The following SCHIP1 variants were observed in gnomAD, a reference collection of about 807,000 sequenced individuals.
SCHIP1 encodes schwannomin-interacting protein 1.
Under a neutral mutation model 29.7 loss-of-function variants are expected in SCHIP1, and 8 were observed. The observed-to-expected ratio is 0.27, with a 90% CI of 0.16 to 0.49. The LOEUF is 0.49. Among genes scored for constraint, SCHIP1 ranks in the 20% least tolerant of loss-of-function variants. The probability of loss-of-function intolerance (pLI) is 0.99; values close to 1 mark genes in which losing one functional copy is unlikely to be tolerated. For missense variants in SCHIP1, 193 were observed against 294.6 expected (o/e 0.66, Z 2.52); for synonymous variants, 76 against 94.9 (o/e 0.80, Z 1.16).
intron 1 of SCHIP1, among the ~76,000 whole-genome samples, chr3:159,848,695 A>C (rs9846673): frequency 0.06 from 9,102 of 151,880 alleles, 861 homozygotes; most frequent in African/African-American, 0.2. Flanking sequence ...TTTCTGATTC[A>C]GTGGTTCTGG....
At chr3:159,637,255 C>T in the SCHIP1 span, among the ~76,000 whole-genome samples, 3 of 152,086 alleles carry the variant, frequency 2.0e-5, no homozygotes, top group Non-Finnish European at 4.4e-5. Context: ...AAAATGTAGA[C>T]ATAAAAAACA....
chr3:159,513,865 T>G, the SCHIP1 span, among the ~76,000 whole-genome samples: 1 of 152,168 alleles, frequency 6.6e-6, no homozygotes, highest in Admixed American at 6.5e-5. Context: ...AGGCACTAAT[T>G]GTAACTGTCC....
At chr3:159,633,784 A>T in the SCHIP1 span, among the ~76,000 whole-genome samples, 2 of 152,356 alleles carry the variant, frequency 1.3e-5, no homozygotes, top group African/African-American at 4.8e-5. Context: ...ACAAGAAAAT[A>T]AACCAAAAAA....
chr3:159,276,449 A>C, the SCHIP1 span, among the ~76,000 whole-genome samples: 15 of 152,178 alleles, frequency 9.9e-5, no homozygotes, highest in Non-Finnish European at 2.1e-4. Context: ...GAGGTACCCT[A>C]GCATCCCAGA....
the SCHIP1 span, among the ~76,000 whole-genome samples, chr3:159,692,512 A>G: frequency 1.3e-5 from 2 of 152,140 alleles, no homozygotes; most frequent in South Asian, 2.1e-4. Flanking sequence ...TGCTCAATCA[A>G]TTCGGCTATT....
At chr3:159,495,586 C>T in the SCHIP1 span, among the ~76,000 whole-genome samples, 1 of 152,074 alleles carries the variant, frequency 6.6e-6, no homozygotes, top group African/African-American at 2.4e-5. Flanking sequence ...AACTACAAAC[C>T]ACTGCTCAAT....
chr3:159,274,614 G>T, the SCHIP1 span: 1 of 829,980 alleles, frequency 1.2e-6, no homozygotes, highest in Non-Finnish European at 1.5e-6. Context: ...TATCAAATTT[G>T]TAGTTCTATG....
chr3:159,535,553 T>C, the SCHIP1 span, among the ~76,000 whole-genome samples: 1 of 152,190 alleles, frequency 6.6e-6, no homozygotes, highest in Admixed American at 6.5e-5. Context: ...CCCTGCTTAG[T>C]TCCTGCCTTG....
chr3:159,542,827 C>T, the SCHIP1 span, among the ~76,000 whole-genome samples: 1 of 152,010 alleles, frequency 6.6e-6, no homozygotes, highest in African/African-American at 2.4e-5. Flanking sequence ...TCTGTTGGGC[C>T]TTTCGGAACT....
At chr3:159,855,530 T>C (rs1007633240) in intron 1 of SCHIP1, among the ~76,000 whole-genome samples, 1 of 152,200 alleles carries the variant, frequency 6.6e-6, no homozygotes, top group African/African-American at 2.4e-5. Flanking sequence ...AGTCCATGCC[T>C]GTAATATACA....
At chr3:159,865,829 G>A (rs1426588903) in intron 1 of SCHIP1, among the ~76,000 whole-genome samples, 5 of 152,222 alleles carry the variant, frequency 3.3e-5, no homozygotes. Context: ...TCAGGAGAAA[G>A]TACTTGCCCT....
the SCHIP1 span, among the ~76,000 whole-genome samples, chr3:159,734,687 A>T: frequency 6.6e-6 from 1 of 151,970 alleles, no homozygotes; most frequent in Admixed American, 6.6e-5. Flanking sequence ...TCTAAACTTT[A>T]GCTTTCTTAT....
the SCHIP1 span, among the ~76,000 whole-genome samples, chr3:159,381,244 AC>A: frequency 1.3e-5 from 2 of 152,152 alleles, no homozygotes; most frequent in Non-Finnish European, 2.9e-5. Context: ...CTGAGAATAA[AC>A]TTTTGAACTT....
chr3:159,640,985 C>A, the SCHIP1 span, among the ~76,000 whole-genome samples: 9 of 152,240 alleles, frequency 5.9e-5, no homozygotes, highest in South Asian at 2.1e-4. Context: ...AATCAAATGA[C>A]CTTCGTTGGA....
chr3:159,847,448 C>T (rs1239249383), intron 1 of SCHIP1, among the ~76,000 whole-genome samples: 1 of 152,078 alleles, frequency 6.6e-6, no homozygotes, highest in Admixed American at 6.6e-5. Flanking sequence ...TACCAAACTT[C>T]CTGAAATAGA....
chr3:159,433,855 A>G, the SCHIP1 span, among the ~76,000 whole-genome samples: 1 of 152,126 alleles, frequency 6.6e-6, no homozygotes, highest in East Asian at 1.9e-4. Flanking sequence ...TAGGTGCCGA[A>G]TAAATATTTG....
At chr3:159,348,799 C>T in the SCHIP1 span, among the ~76,000 whole-genome samples, 1 of 152,152 alleles carries the variant, frequency 6.6e-6, no homozygotes, top group Non-Finnish European at 1.5e-5. Flanking sequence ...AGCAAAGGAG[C>T]TATGCAATTG....
At chr3:159,404,750 G>A in the SCHIP1 span, among the ~76,000 whole-genome samples, 1 of 152,174 alleles carries the variant, frequency 6.6e-6, no homozygotes, top group Non-Finnish European at 1.5e-5. Flanking sequence ...GGCTGGCTTT[G>A]CCACCTGCTG....
At chr3:159,396,876 A>G in the SCHIP1 span, among the ~76,000 whole-genome samples, 4,100 of 151,296 alleles carry the variant, frequency 0.027, 75 homozygotes, top group East Asian at 0.11. Flanking sequence ...CTGCCTTGCT[A>G]GACTGGGGAA....
Sources: gnomAD v4.1 joint callset for allele counts (sites outside exome capture counted in the v4.1 genomes callset) on GRCh38, gnomAD v4.1.1 for gene constraint, MANE v1.5 for transcripts, NCBI Gene and HGNC (gene_info 2026-07-23, HGNC 2026-07-21) for gene names.